The following SAMSN1 variants were observed in gnomAD, a reference collection of about 807,000 sequenced individuals.
SAMSN1 encodes the protein SAM domain-containing protein SAMSN-1.
A neutral mutation model predicts 42.0 loss-of-function variants in SAMSN1; 31 were observed. The observed-to-expected ratio is 0.74, with a 90% CI of 0.55 to 1.00. SAMSN1 has a LOEUF of 1.00. Ranked by LOEUF, SAMSN1 falls within the 50% of genes least tolerant of loss-of-function variation. The pLI, the probability that SAMSN1 is intolerant of heterozygous loss-of-function variation, is 0.00. For missense variants in SAMSN1, 464 were observed against 439.4 expected, an observed-to-expected ratio of 1.06 and a Z score of -0.50; for synonymous variants, 178 against 151.9, an observed-to-expected ratio of 1.17 and a Z score of -1.26.
chr21:14,629,167 A>C (rs1339448060), intron 2 of SAMSN1, among the ~76,000 whole-genome samples: 1 of 152,202 alleles, frequency 6.6e-6, no homozygotes, highest in East Asian at 1.9e-4. Context: ...GTAATACCAC[A>C]TGTCACTACT....
intron 2 of SAMSN1, among the ~76,000 whole-genome samples, chr21:14,566,429 T>C (rs1464446583): frequency 6.6e-6 from 1 of 152,174 alleles, no homozygotes; most frequent in Non-Finnish European, 1.5e-5. Context: ...TCTTGCATCA[T>C]ATAAGACTAC....
chr21:14,519,928 T>C (rs905815008), intron 2 of SAMSN1, among the ~76,000 whole-genome samples: 1 of 152,188 alleles, frequency 6.6e-6, no homozygotes, highest in Non-Finnish European at 1.5e-5. Flanking sequence ...TATGGCAAAC[T>C]TTGGAGTCAG....
At chr21:14,584,429 C>T (rs1022939772), upstream of SAMSN1, among the ~76,000 whole-genome samples, 2 of 152,176 alleles carry the variant, frequency 1.3e-5, no homozygotes, top group Non-Finnish European at 2.9e-5. Flanking sequence ...ATATAATTAA[C>T]ATTGCATTAA....
chr21:14,615,904 G>A (rs1982824520), intron 3 of SAMSN1: 8 of 360,072 alleles, frequency 2.2e-5, no homozygotes, highest in Admixed American at 4.7e-5. Context: ...TTGGCACGAA[G>A]TCCACTAAAA....
chr21:14,584,790 C>T (rs1212865113), upstream of SAMSN1, among the ~76,000 whole-genome samples: 1 of 152,198 alleles, frequency 6.6e-6, no homozygotes, highest in African/African-American at 2.4e-5. Context: ...TATTTGCTTC[C>T]TCATTAATGT....
chr21:14,488,942 C>A (rs1179388578), intron 7 of SAMSN1, among the ~76,000 whole-genome samples: 4 of 152,160 alleles, frequency 2.6e-5, no homozygotes, highest in African/African-American at 4.8e-5. Context: ...GAGATGAAAG[C>A]TATATCGCAT....
chr21:14,537,262 C>A (rs1372309754), intron 1 of SAMSN1, among the ~76,000 whole-genome samples: 4 of 152,324 alleles, frequency 2.6e-5, no homozygotes, highest in Middle Eastern at 3.4e-3. Flanking sequence ...AGTACAGTTT[C>A]CTTCACCAAT....
At chr21:14,646,841 T>A (rs780790220) in intron 1 of SAMSN1, among the ~76,000 whole-genome samples, 1 of 152,194 alleles carries the variant, frequency 6.6e-6, no homozygotes, top group Non-Finnish European at 1.5e-5. Flanking sequence ...TAGTGTTAAG[T>A]TGTCAGCAGG....
At position 14,582,179 on chromosome 21, in the gene SAMSN1, C is replaced by T. The variant is rs778734866; in HGVS notation, c.218G>A (p.Arg73His). 15 of 1,550,332 alleles carry T rather than the reference C, an allele frequency of 9.7e-6. 1 individual carries two copies. In the African/African-American group the frequency reaches 1.1e-4, roughly 11 times the overall value. ...CATATCTGAGCAGGAAGACTTGAGA[C>T]GTGTGTGGCGAATACAAGAGGAGCA... Residue 73 changes from arginine to histidine, a missense_variant, in exon 2 of 9, where the codon CGT becomes CAT. Physicochemically the swap from Arg to His is conservative, Grantham distance 29. Transcript: ENST00000285670.
chr21:14,588,898 C>A (rs1982001994), intron 7 of SAMSN1, among the ~76,000 whole-genome samples: 1 of 151,976 alleles, frequency 6.6e-6, no homozygotes, highest in Non-Finnish European at 1.5e-5. Context: ...TTAGAGTCTT[C>A]TTTGAAAGAT....
chr21:14,600,918 G>A (rs1219162898), intron 6 of SAMSN1, among the ~76,000 whole-genome samples: 1 of 152,154 alleles, frequency 6.6e-6, no homozygotes, highest in Non-Finnish European at 1.5e-5. Flanking sequence ...AAGAGGAGGA[G>A]CAATGACAAC....
At chr21:14,626,355 G>A (rs556352386) in intron 2 of SAMSN1, among the ~76,000 whole-genome samples, 3 of 152,222 alleles carry the variant, frequency 2.0e-5, no homozygotes, top group Admixed American at 6.5e-5. Context: ...CTATAGAGTG[G>A]GAGAAAATTT....
chr21:14,540,901 A>G (rs1478121606), intron 1 of SAMSN1, among the ~76,000 whole-genome samples: 3 of 152,228 alleles, frequency 2.0e-5, no homozygotes, highest in Non-Finnish European at 4.4e-5. Flanking sequence ...CATCAATGAT[A>G]GACTGGATTA....
At chr21:14,636,739 C>T (rs1983477015) in intron 2 of SAMSN1, among the ~76,000 whole-genome samples, 1 of 151,996 alleles carries the variant, frequency 6.6e-6, no homozygotes, top group Non-Finnish European at 1.5e-5. Context: ...GTCCCAGCTA[C>T]TCGGGAGGCT....
chr21:14,510,425 C>A lies in SAMSN1; in HGVS notation c.446G>T (p.Arg149Leu). Residue 149 changes from arginine (R) to leucine (L), a missense_variant, in exon 5 of 8, where the codon CGG becomes CTG. Physicochemically the swap from Arg to Leu is moderately radical, Grantham distance 102. Coordinates refer to ENST00000400566, the MANE Select transcript of SAMSN1 (RefSeq NM_022136.5). ...ITSCSDGTSNRDSFRLDDDGP... is the reference protein window; with the variant it reads ...ITSCSDGTSNLDSFRLDDDGP... ...ATCGTCATCCAGTCGAAAGCTGTCC[C>A]GGTTACTTGTACCATCTGAACAGCT... 2 of 1,614,178 alleles carry A rather than the reference C, an allele frequency of 1.2e-6. No homozygotes were observed. Among genetic ancestry groups the A allele is most frequent in the Non-Finnish European group, 1.7e-6 (2 of 1,180,030 alleles).
intron 1 of SAMSN1, among the ~76,000 whole-genome samples, chr21:14,535,926 C>G (rs1042367371): frequency 2.0e-5 from 3 of 152,128 alleles, no homozygotes; most frequent in Admixed American, 1.3e-4. Flanking sequence ...CTCTAGCAAA[C>G]TAATACAGAC....
chr21:14,560,096 T>C lies in SAMSN1; in HGVS notation c.261+22040A>G, dbSNP rs147508654. ...GAGAGTGAGAATCCAATGTAACATG[T>C]TCTGTATCAATCTGAGGTGTAATAA... On this transcript the variant is annotated intron_variant, in intron 2 of 8. Transcript: ENST00000285670. Among the ~76,000 whole-genome samples, 411 of 152,276 alleles carry C rather than the reference T, an allele frequency of 2.7e-3. 4 individuals are homozygous for C. The highest frequency in any genetic ancestry group is 9.3e-3 in the African/African-American group (386 of 41,556).
intron 7 of SAMSN1, among the ~76,000 whole-genome samples, chr21:14,487,260 A>G (rs1986475824): frequency 6.6e-6 from 1 of 152,160 alleles, no homozygotes. Context: ...TCCTTCAAAG[A>G]AGGAAAATGT....
At chr21:14,658,489 A>G (rs573753942) in intron 1 of SAMSN1, among the ~76,000 whole-genome samples, 1 of 152,128 alleles carries the variant, frequency 6.6e-6, no homozygotes, top group Admixed American at 6.6e-5. Context: ...CCAGAACATT[A>G]TACTTAAAAA....
Sources: gnomAD v4.1 joint callset for allele counts (sites outside exome capture counted in the v4.1 genomes callset) on GRCh38, gnomAD v4.1.1 for gene constraint, MANE v1.5 for transcripts, NCBI Gene and HGNC (gene_info 2026-07-23, HGNC 2026-07-21) for gene names.